EBF1: variants seen among roughly 807,000 people sequenced by gnomAD.
EBF1 encodes transcription factor COE1.
In EBF1, 10 loss-of-function variants were observed where a neutral mutation model predicts 68.4. The observed-to-expected ratio is 0.15, with a 90% CI of 0.09 to 0.25. The LOEUF is 0.25. Among genes scored for constraint, EBF1 ranks in the 10% least tolerant of loss-of-function variants. EBF1 has a pLI of 1.00. For missense variants in EBF1, 509 were observed against 794.4 expected (o/e 0.64, Z 4.32); for synonymous variants, 298 against 299.8 (o/e 0.99, Z 0.06).
chr5:158,886,396 T>C (rs1439882783), intron 6 of EBF1, among the ~76,000 whole-genome samples: 4 of 152,224 alleles, frequency 2.6e-5, no homozygotes, highest in African/African-American at 9.6e-5. Context: ...GTTAGATAGA[T>C]AGGCATTTGC....
At chr5:158,725,290 C>A (rs970667123) in intron 11 of EBF1, among the ~76,000 whole-genome samples, 1 of 152,186 alleles carries the variant, frequency 6.6e-6, no homozygotes, top group African/African-American at 2.4e-5. Context: ...GTCCACAACC[C>A]CTCCTTCCCA....
intron 12 of EBF1, among the ~76,000 whole-genome samples, chr5:158,713,676 G>A (rs760971713): frequency 2.6e-5 from 4 of 152,202 alleles, no homozygotes; most frequent in Non-Finnish European, 5.9e-5. Context: ...TGAATGGTTT[G>A]TCAGACTCAG....
chr5:158,819,139 T>A (rs1210354923), intron 8 of EBF1, among the ~76,000 whole-genome samples: 1 of 151,968 alleles, frequency 6.6e-6, no homozygotes, highest in African/African-American at 2.4e-5. Context: ...CACACCAAAA[T>A]AAAAAAATAC....
intron 10 of EBF1, among the ~76,000 whole-genome samples, chr5:158,775,317 A>C (rs954502573): frequency 1.3e-5 from 2 of 151,368 alleles, no homozygotes; most frequent in African/African-American, 4.9e-5. Context: ...TCTAACTTTT[A>C]TGGCCAGGTG....
chr5:158,753,248 T>C (rs1769324868), intron 10 of EBF1, among the ~76,000 whole-genome samples: 1 of 152,138 alleles, frequency 6.6e-6, no homozygotes, highest in South Asian at 2.1e-4. Flanking sequence ...TTAATACATG[T>C]ATAACAGGAA....
chr5:158,874,576 G>T (rs1381035990), intron 6 of EBF1, among the ~76,000 whole-genome samples: 1 of 152,070 alleles, frequency 6.6e-6, no homozygotes, highest in Admixed American at 6.6e-5. Context: ...AAAGGGCTCA[G>T]GTATGCATGT....
intron 6 of EBF1, among the ~76,000 whole-genome samples, chr5:158,947,350 T>C: frequency 6.6e-6 from 1 of 152,240 alleles, no homozygotes; most frequent in African/African-American, 2.4e-5. Context: ...TCCTGGTCTG[T>C]GGGTTGTGAA....
chr5:158,918,736 A>C (rs1163656158), intron 6 of EBF1, among the ~76,000 whole-genome samples: 1 of 152,206 alleles, frequency 6.6e-6, no homozygotes, highest in African/African-American at 2.4e-5. Context: ...AGAATGGACT[A>C]ACACTGAAGT....
intron 6 of EBF1, among the ~76,000 whole-genome samples, chr5:159,070,252 A>G (rs1442853974): frequency 6.6e-6 from 1 of 152,046 alleles, no homozygotes; most frequent in East Asian, 1.9e-4. Flanking sequence ...CTGGCATTCA[A>G]CTCCAGATGT....
At chr5:158,859,376 AGAC>A (rs1794606198) in intron 6 of EBF1, among the ~76,000 whole-genome samples, 1 of 152,124 alleles carries the variant, frequency 6.6e-6, no homozygotes, top group Non-Finnish European at 1.5e-5. Context: ...TCTCCCCATA[AGAC>A]TTCCCAGATT....
At chr5:159,098,669 G>A (rs539837704) in intron 1 of EBF1, among the ~76,000 whole-genome samples, 9 of 150,832 alleles carry the variant, frequency 6.0e-5, no homozygotes, top group Admixed American at 4.6e-4. Context: ...AGAAATGAGA[G>A]AAGGAAATGA....
At chr5:158,753,529 A>G (rs1314403594) in intron 10 of EBF1, among the ~76,000 whole-genome samples, 1 of 152,094 alleles carries the variant, frequency 6.6e-6, no homozygotes, top group Non-Finnish European at 1.5e-5. Context: ...TAAAGGCAGG[A>G]ACCCCATGAA....
intron 6 of EBF1, among the ~76,000 whole-genome samples, chr5:158,970,430 C>T (rs1755409999): frequency 6.6e-6 from 1 of 152,136 alleles, no homozygotes; most frequent in South Asian, 2.1e-4. Context: ...CCAAATTACA[C>T]ACTAAAATAA....
At chr5:158,834,294 T>C (rs1043114391) in intron 7 of EBF1, among the ~76,000 whole-genome samples, 10 of 152,302 alleles carry the variant, frequency 6.6e-5, no homozygotes, top group South Asian at 2.1e-4. Context: ...ATCTTTTTAG[T>C]GTCAAGACGA....
At chr5:158,717,029 G>A (rs1760878313) in intron 11 of EBF1, among the ~76,000 whole-genome samples, 1 of 152,158 alleles carries the variant, frequency 6.6e-6, no homozygotes, top group South Asian at 2.1e-4. Flanking sequence ...TAGATTGAAA[G>A]GGCACTGCAG....
chr5:158,870,070 G>A (rs1796618623), intron 6 of EBF1, among the ~76,000 whole-genome samples: 1 of 152,066 alleles, frequency 6.6e-6, no homozygotes, highest in South Asian at 2.1e-4. Context: ...CCAAAACAAA[G>A]TTTTTTTTCC....
intron 15 of EBF1, among the ~76,000 whole-genome samples, chr5:158,700,198 T>A (rs2127457569): frequency 6.6e-6 from 1 of 152,390 alleles, no homozygotes; most frequent in Middle Eastern, 3.4e-3. Flanking sequence ...GAGGTGTATT[T>A]GCTCTTATGT....
At chr5:158,752,159 G>A (rs1040892962) in intron 10 of EBF1, among the ~76,000 whole-genome samples, 2 of 152,002 alleles carry the variant, frequency 1.3e-5, no homozygotes, top group Non-Finnish European at 2.9e-5. Context: ...GCTGCATCAA[G>A]TTGTCTAAAT....
rs902767546 is a variant in EBF1, at chr5:158,777,342, C to T, written c.1036+71G>A. ...TTAAAATAAAATACATGCTTTTATA[C>T]AGACAAGATAAGGGGAAAGACCCCA... On this transcript the variant is annotated intron_variant, in intron 10 of 15. Coordinates refer to ENST00000313708, the MANE Select transcript of EBF1 (RefSeq NM_024007.5). 10 of 1,424,810 alleles carry T rather than the reference C, an allele frequency of 7.0e-6. No individual in the cohort carries two copies. The Admixed American group carries it at 1.2e-4, about 17-fold the overall frequency. The allele number at this position is 1,424,810 out of a possible 1,614,324, so 88.3% of individuals were successfully genotyped here.
Sources: allele counts gnomAD v4.1 joint callset (sites outside exome capture counted in the v4.1 genomes callset), GRCh38; gene constraint gnomAD v4.1.1; transcripts MANE v1.5; gene names NCBI Gene and HGNC (gene_info 2026-07-23, HGNC 2026-07-21).